The following TRIM37 variants were observed in gnomAD, a reference collection of about 807,000 sequenced individuals.
TRIM37 encodes the protein E3 ubiquitin-protein ligase TRIM37.
In TRIM37, 80 loss-of-function variants were observed where a neutral mutation model predicts 129.8. The observed-to-expected ratio is 0.62, with a 90% CI of 0.51 to 0.74. The LOEUF (loss-of-function observed/expected upper bound fraction) is 0.74. Among genes scored for constraint, TRIM37 ranks in the 30% least tolerant of loss-of-function variants. The probability of loss-of-function intolerance (pLI) is 0.00; values close to 1 mark genes in which losing one functional copy is unlikely to be tolerated. For missense variants in TRIM37, 1,054 were observed against 1,176.5 expected, an observed-to-expected ratio of 0.90 and a Z score of 1.52; for synonymous variants, 389 against 387.1, an observed-to-expected ratio of 1.00 and a Z score of -0.06.
intron 22 of TRIM37, among the ~76,000 whole-genome samples, chr17:59,003,643 A>G (rs1356174748): frequency 7.3e-6 from 1 of 137,448 alleles, no homozygotes; most frequent in African/African-American, 2.9e-5. Flanking sequence ...CCAGAGTCTT[A>G]TTAAAAAAAA....
At position 59,106,532 on chromosome 17, in the gene TRIM37, G is replaced by A; in HGVS notation, c.-71C>T. On this transcript the variant is annotated 5_prime_UTR_variant, in exon 1 of 24. Transcript: ENST00000262294. The stretch of plus-strand genomic sequence containing the variant: ...AGTCTGACCTCTTAGGCGCCGGCCC[G>A]AGGTCGCCAGATCAAATCGCCGATA... The A allele has an allele frequency of 6.3e-7, 1 of 1,588,046 alleles. No homozygotes were observed. Among genetic ancestry groups the A allele is most frequent in the African/African-American group, 1.3e-5 (1 of 74,284 alleles).
intron 18 of TRIM37, among the ~76,000 whole-genome samples, chr17:59,029,433 C>T (rs2037594145): frequency 6.6e-6 from 1 of 152,062 alleles, no homozygotes; most frequent in African/African-American, 2.4e-5. Context: ...ATAGAATGGA[C>T]CCAACATGAC....
chr17:59,044,949 C>A (rs2039621929), intron 16 of TRIM37, among the ~76,000 whole-genome samples: 1 of 151,954 alleles, frequency 6.6e-6, no homozygotes, highest in African/African-American at 2.4e-5. Flanking sequence ...AGGTGGATCA[C>A]TTGAGGCCAG....
intron 16 of TRIM37, among the ~76,000 whole-genome samples, 160 bp from the exon 17 acceptor site, chr17:59,042,058 G>A (rs1397348501): frequency 3.9e-5 from 6 of 152,180 alleles, no homozygotes; most frequent in East Asian, 3.9e-4. Context: ...TTTAAGTAGC[G>A]TTAATGTTAT....
At chr17:58,991,328 G>A (rs1436576876) in intron 24 of TRIM37, among the ~76,000 whole-genome samples, 2 of 151,978 alleles carry the variant, frequency 1.3e-5, no homozygotes, top group Non-Finnish European at 2.9e-5. Context: ...ATGAGGTCAG[G>A]AGTTTGAGAC....
intron 2 of TRIM37, among the ~76,000 whole-genome samples, chr17:59,097,909 C>T (rs1176129463): frequency 6.6e-6 from 1 of 152,198 alleles, no homozygotes; most frequent in African/African-American, 2.4e-5. Flanking sequence ...GTAATCCCTA[C>T]TAAAACTCCA....
At chr17:58,969,863 G>A in the TRIM37 span, 7 of 820,404 alleles carry the variant, frequency 8.5e-6, 1 homozygote, top group South Asian at 9.1e-5. Context: ...TCACAGTATT[G>A]GATTCTGTTG....
intron 19 of TRIM37, among the ~76,000 whole-genome samples, chr17:59,022,931 C>T (rs1036956893): frequency 3.9e-5 from 6 of 152,082 alleles, no homozygotes; most frequent in East Asian, 3.9e-4. Context: ...ATACAGTTGA[C>T]GCTTGAACAG....
At chr17:59,049,423 G>C in intron 14 of TRIM37, 30 bp from the exon 15 acceptor site, 1 of 1,581,188 alleles carries the variant, frequency 6.3e-7, no homozygotes, top group East Asian at 2.2e-5. Flanking sequence ...ACAAATATTA[G>C]CCACAGCTCA....
chr17:59,091,504 A>G (rs2044319234), intron 2 of TRIM37, among the ~76,000 whole-genome samples, 164 bp from the exon 3 acceptor site: 1 of 100,358 alleles, frequency 1.0e-5, no homozygotes, highest in African/African-American at 4.0e-5. Flanking sequence ...TTATTATATA[A>G]CATATCATAT....
intron 21 of TRIM37, among the ~76,000 whole-genome samples, chr17:59,015,171 C>T (rs939650744): frequency 6.6e-6 from 1 of 151,540 alleles, no homozygotes; most frequent in Admixed American, 6.6e-5. Flanking sequence ...GGTGCAGTGG[C>T]TCACGCCTGT....
the TRIM37 span, chr17:58,969,772 A>G: frequency 1.3e-6 from 2 of 1,575,156 alleles, no homozygotes; most frequent in Non-Finnish European, 1.7e-6. Context: ...GTACTAGCTG[A>G]GCTCAATTTG....
At chr17:59,076,126 C>T (rs1396505434) in intron 7 of TRIM37, among the ~76,000 whole-genome samples, 2 of 152,042 alleles carry the variant, frequency 1.3e-5, no homozygotes, top group Non-Finnish European at 2.9e-5. Context: ...ACAAAGTGGG[C>T]CAGATTTTTA....
At chr17:58,992,236 C>T (rs1474552117) in intron 24 of TRIM37, among the ~76,000 whole-genome samples, 1 of 123,274 alleles carries the variant, frequency 8.1e-6, no homozygotes, top group Non-Finnish European at 1.7e-5. Context: ...ACTTACTCTC[C>T]AGGCACACTG....
chr17:59,011,089 A>G (rs2035197859), intron 22 of TRIM37, among the ~76,000 whole-genome samples: 1 of 151,926 alleles, frequency 6.6e-6, no homozygotes, highest in Non-Finnish European at 1.5e-5. Context: ...GAATCGCTTG[A>G]ACCCGGGAGT....
At chr17:59,028,392 G>A (rs755116567) in intron 19 of TRIM37, 23 bp downstream of exon 19, 6 of 1,604,408 alleles carry the variant, frequency 3.7e-6, no homozygotes, top group African/African-American at 2.7e-5. Flanking sequence ...GTGGAGAAAT[G>A]ACACTGGGAA....
intron 19 of TRIM37, among the ~76,000 whole-genome samples, chr17:59,025,028 T>C (rs2037072203): frequency 6.6e-6 from 1 of 152,194 alleles, no homozygotes; most frequent in South Asian, 2.1e-4. Context: ...GGTTAAACAA[T>C]ACCAAATTGC....
In TRIM37 at chr17:59,056,924, G is replaced by C; in HGVS notation, c.1150C>G (p.Leu384Val). 6.2e-7 allele frequency: 1 copy of C among 1,613,664 alleles called. No homozygotes were observed. Among genetic ancestry groups the C allele is most frequent in the Non-Finnish European group, 8.5e-7 (1 of 1,179,894 alleles). Residue 384 changes from leucine to valine, a missense_variant, in exon 13 of 24, where the codon CTC (leucine) becomes GTC (valine). Physicochemically the swap from Leu to Val is conservative, Grantham distance 32. Coordinates refer to ENST00000262294, the MANE Select transcript of TRIM37 (RefSeq NM_015294.6). The part of the protein sequence containing the change: ...GYNRFFRLDL[L>V]ANEGYLNPQN... ...GGATTCAAGTATCCTTCATTTGCGA[G>C]TAAGTCCAAACGGAAAAATCTATTA... is the stretch of plus-strand genomic sequence containing the variant.
rs540466515 is a variant in TRIM37, at chr17:59,057,143, T to A, written c.1020-89A>T. 5.3e-6 allele frequency: 6 copies of A among 1,132,934 alleles called. No homozygotes were observed. In the African/African-American group the frequency reaches 9.2e-5, roughly 17 times the overall value. 70.2% of individuals were successfully genotyped at this position (1,132,934 alleles called of 1,614,324 possible). A position where few individuals can be genotyped will look rare whatever the true frequency, so the allele number is the denominator to read the frequency against. ...CTAAACATTAAGGTCACTAAGTAATTACCTGAGAAGAAACCTTATTGATAT... is the reference window on the plus strand; with the variant it reads ...CTAAACATTAAGGTCACTAAGTAATAACCTGAGAAGAAACCTTATTGATAT... On this transcript the variant is annotated intron_variant, in intron 12 of 23. Coordinates refer to ENST00000262294, the MANE Select transcript of TRIM37 (RefSeq NM_015294.6).
Sources: allele counts gnomAD v4.1 joint callset (sites outside exome capture counted in the v4.1 genomes callset), GRCh38; gene constraint gnomAD v4.1.1; transcripts MANE v1.5; gene names NCBI Gene and HGNC (gene_info 2026-07-23, HGNC 2026-07-21).